Variants in NDUFA10 observed in about 807,000 individuals in gnomAD.
NDUFA10 encodes the protein NADH dehydrogenase [ubiquinone] 1 alpha subcomplex subunit 10, mitochondrial.
In NDUFA10, 40 loss-of-function variants were observed where a neutral mutation model predicts 47.8. The observed-to-expected ratio is 0.84, with a 90% CI of 0.65 to 1.09. The LOEUF (loss-of-function observed/expected upper bound fraction) is 1.09, where lower values mean the gene tolerates loss of function less well. NDUFA10 is among the 50% of genes least tolerant of loss of function. The pLI is 0.00. For missense variants in NDUFA10, 413 were observed against 451.1 expected, an observed-to-expected ratio of 0.92 and a Z score of 0.76; for synonymous variants, 183 against 172.2, an observed-to-expected ratio of 1.06 and a Z score of -0.49.
intron 3 of NDUFA10, among the ~76,000 whole-genome samples, chr2:240,020,207 C>G (rs761742602): frequency 6.6e-6 from 1 of 152,214 alleles, no homozygotes; most frequent in Non-Finnish European, 1.5e-5. Context: ...TTCTTGTTCT[C>G]ACGGCTCAGA....
At position 239,959,262 on chromosome 2, in the gene NDUFA10, G is replaced by A; in HGVS notation, c.*1856C>T. 1.0e-6 allele frequency: 1 copy of A among 985,446 alleles called. No individual in the cohort carries two copies. Among genetic ancestry groups the A allele is most frequent in the Non-Finnish European group, 1.2e-6 (1 of 829,944 alleles). The allele number at this position is 985,446 out of a possible 1,614,324, so 61.0% of individuals were successfully genotyped here. Reference sequence around the variant, plus strand: ...GCCGACACGGAGCCCTGCATGGTTGGAGAGCTCTGCCCCTCACAAGGGCAA... The same window carrying A: ...GCCGACACGGAGCCCTGCATGGTTGAAGAGCTCTGCCCCTCACAAGGGCAA... On this transcript the variant is annotated 3_prime_UTR_variant, in exon 10 of 10. Coordinates refer to ENST00000252711, the MANE Select transcript of NDUFA10 (RefSeq NM_004544.4).
At chr2:239,900,578 G>C (rs1693525876) in intron 4 of NDUFA10, among the ~76,000 whole-genome samples, 1 of 37,384 alleles carries the variant, frequency 2.7e-5, no homozygotes, top group Non-Finnish European at 5.2e-5. Flanking sequence ...TTCTTCCATA[G>C]GAAAAAAAAA....
rs1694791152 is a variant in NDUFA10, at chr2:239,960,159, A to G, written c.*959T>C. 1.0e-6 allele frequency: 1 copy of G among 981,022 alleles called. No individual in the cohort carries two copies. The highest frequency in any genetic ancestry group is 6.2e-5 in the Admixed American group (1 of 16,026). 60.8% of individuals were successfully genotyped at this position (981,022 alleles called of 1,614,324 possible). On this transcript the variant is annotated 3_prime_UTR_variant, in exon 10 of 10. Coordinates refer to ENST00000252711, the MANE Select transcript of NDUFA10 (RefSeq NM_004544.4). ...AAACCCACAGTTCAGTAGGACTCAC[A>G]ACTGGCAGCCTGATTCCTAATGGAC...
At chr2:240,005,116 T>C in intron 8 of NDUFA10, 94 bp downstream of exon 8, 1 of 1,158,772 alleles carries the variant, frequency 8.6e-7, no homozygotes, top group Admixed American at 1.7e-5. Flanking sequence ...TGCTAACACC[T>C]AACTTGAAAC....
rs1694320121 is a variant in NDUFA10, at chr2:239,939,286, A to G, written c.295-43972T>C. On this transcript the variant is annotated intron_variant, in intron 4 of 5. Transcript: ENST00000419408. ...CTTCTGGACACTTTCCAAAGAGGTGACTTATTCAAACCAGCCCCAGCAGGG... is the reference window on the plus strand; with the variant it reads ...CTTCTGGACACTTTCCAAAGAGGTGGCTTATTCAAACCAGCCCCAGCAGGG... 1.3e-5 allele frequency among the ~76,000 whole-genome samples: 2 copies of G among 152,134 alleles called. 1 individual carries two copies. The highest frequency in any genetic ancestry group is 4.1e-4 in the South Asian group (2 of 4,832).
At chr2:240,022,742 C>G (rs1697681567) in intron 1 of NDUFA10, among the ~76,000 whole-genome samples, 1 of 152,074 alleles carries the variant, frequency 6.6e-6, no homozygotes, top group Non-Finnish European at 1.5e-5. Flanking sequence ...AAAAACATTT[C>G]TCTAATCCAA....
intron 5 of NDUFA10, chr2:240,014,436 G>C (rs1411684999): frequency 4.6e-6 from 2 of 435,602 alleles, no homozygotes; most frequent in Non-Finnish European, 8.6e-6. Context: ...CAGAGGGATG[G>C]AGGACGCTCT....
chr2:239,967,916 C>T (rs1695141611), intron 9 of NDUFA10, among the ~76,000 whole-genome samples: 2 of 151,530 alleles, frequency 1.3e-5, no homozygotes, highest in African/African-American at 4.8e-5. Flanking sequence ...ACAATTTAGA[C>T]ATGCCCTATA....
chr2:239,965,212 T>C (rs894410241), intron 9 of NDUFA10, among the ~76,000 whole-genome samples: 2 of 152,074 alleles, frequency 1.3e-5, no homozygotes, highest in African/African-American at 4.8e-5. Flanking sequence ...TGTCTGGACT[T>C]CTCAGGCAGC....
chr2:240,002,591 C>G (rs1437228687), intron 8 of NDUFA10, among the ~76,000 whole-genome samples: 1 of 152,020 alleles, frequency 6.6e-6, no homozygotes, highest in African/African-American at 2.4e-5. Flanking sequence ...TATGGAGGCA[C>G]AGGCAGATAA....
chr2:239,973,821 C>T (rs1483969115), intron 9 of NDUFA10, among the ~76,000 whole-genome samples: 2 of 152,136 alleles, frequency 1.3e-5, no homozygotes, highest in African/African-American at 4.8e-5. Context: ...GGGTCAATTC[C>T]GGGCACAAAA....
At chr2:239,992,583 A>G (rs1457087462) in intron 8 of NDUFA10, among the ~76,000 whole-genome samples, 2 of 152,194 alleles carry the variant, frequency 1.3e-5, no homozygotes, top group African/African-American at 2.4e-5. Flanking sequence ...TCATGTAAAA[A>G]TCTTGGCAAT....
chr2:239,957,109 C>T (rs1457788197), downstream of NDUFA10, among the ~76,000 whole-genome samples: 3 of 152,214 alleles, frequency 2.0e-5, no homozygotes, highest in South Asian at 2.1e-4. Flanking sequence ...CCCTCCACTG[C>T]GGGCTCGCCA....
intron 4 of NDUFA10, among the ~76,000 whole-genome samples, chr2:239,935,411 G>C (rs541808919): frequency 1.3e-5 from 2 of 152,366 alleles, no homozygotes; most frequent in East Asian, 1.9e-4. Flanking sequence ...GGGCCCTGCA[G>C]GCCGACAGGG....
intron 6 of NDUFA10, among the ~76,000 whole-genome samples, chr2:240,009,905 T>C (rs761923715): frequency 1.3e-5 from 2 of 152,234 alleles, no homozygotes; most frequent in Non-Finnish European, 2.9e-5. Flanking sequence ...CCGGGAAACC[T>C]AATATTGTTT....
At chr2:239,897,793 C>T in intron 4 of NDUFA10, among the ~76,000 whole-genome samples, 1 of 152,212 alleles carries the variant, frequency 6.6e-6, no homozygotes. Context: ...GTCACTCAGC[C>T]CCCAGAGACT....
intron 8 of NDUFA10, among the ~76,000 whole-genome samples, chr2:240,001,094 A>G (rs917854808): frequency 6.6e-6 from 1 of 152,248 alleles, no homozygotes; most frequent in Non-Finnish European, 1.5e-5. Flanking sequence ...AATCTGGCTT[A>G]CAACAATCAA....
intron 7 of NDUFA10, among the ~76,000 whole-genome samples, chr2:240,006,236 T>G (rs1339281882): frequency 6.6e-6 from 1 of 152,310 alleles, no homozygotes; most frequent in African/African-American, 2.4e-5. Context: ...CAAAGGTATA[T>G]AAATACTCTA....
chr2:240,008,187 A>G (rs1697017054), intron 6 of NDUFA10, among the ~76,000 whole-genome samples: 1 of 152,198 alleles, frequency 6.6e-6, no homozygotes, highest in Admixed American at 6.5e-5. Context: ...TTCAAGCTCT[A>G]CAATCACTCA....
Sources: allele counts gnomAD v4.1 joint callset (sites outside exome capture counted in the v4.1 genomes callset), GRCh38; gene constraint gnomAD v4.1.1; transcripts MANE v1.5; gene names NCBI Gene and HGNC (gene_info 2026-07-23, HGNC 2026-07-21).